The following HS2ST1 variants were observed in gnomAD, a reference collection of about 807,000 sequenced individuals.
HS2ST1 encodes the protein heparan sulfate 2-O-sulfotransferase 1, also known as 2-O-sulfotransferase.
In HS2ST1, 18 loss-of-function variants were observed where a neutral mutation model predicts 42.9. The ratio of observed to expected loss-of-function variants is 0.42; its 90% CI spans 0.29 to 0.62. The LOEUF (loss-of-function observed/expected upper bound fraction) is 0.62. Ranked by LOEUF, HS2ST1 falls within the 20% of genes least tolerant of loss-of-function variation. The pLI is 0.21. For synonymous variants in HS2ST1, 146 were observed against 152.9 expected (o/e 0.95, Z 0.33); for missense variants, 334 against 433.8 (o/e 0.77, Z 2.04).
intron 1 of HS2ST1, among the ~76,000 whole-genome samples, chr1:86,946,462 A>T (rs1647339341): frequency 6.6e-6 from 1 of 152,236 alleles, no homozygotes; most frequent in South Asian, 2.1e-4. Flanking sequence ...GTATATGTAG[A>T]TCACCACCAT....
chr1:87,039,467 C>T (rs1005255426), intron 1 of HS2ST1, among the ~76,000 whole-genome samples: 3 of 152,136 alleles, frequency 2.0e-5, no homozygotes, highest in Admixed American at 6.5e-5. Flanking sequence ...GCATTCCAGC[C>T]CCACTGCAAA....
At chr1:87,100,543 G>C (rs1652173992) in intron 5 of HS2ST1, among the ~76,000 whole-genome samples, 1 of 152,192 alleles carries the variant, frequency 6.6e-6, no homozygotes. Context: ...TTGGATATTA[G>C]CAGTTGGCTC....
intron 1 of HS2ST1, among the ~76,000 whole-genome samples, chr1:86,958,039 G>A (rs1299509639): frequency 2.0e-5 from 3 of 152,036 alleles, no homozygotes; most frequent in African/African-American, 4.8e-5. Context: ...TGATCCACCC[G>A]CCTCGGCCTC....
At chr1:87,038,217 A>C (rs1650431570) in intron 1 of HS2ST1, among the ~76,000 whole-genome samples, 1 of 152,106 alleles carries the variant, frequency 6.6e-6, no homozygotes, top group Non-Finnish European at 1.5e-5. Context: ...TTATCTCATA[A>C]TCTTATAACT....
chr1:87,084,940 C>T (rs574818491), intron 3 of HS2ST1, among the ~76,000 whole-genome samples: 20 of 152,100 alleles, frequency 1.3e-4, no homozygotes, highest in South Asian at 4.1e-4. Flanking sequence ...CCACTGTGCC[C>T]GGCCTCTGTC....
intron 1 of HS2ST1, among the ~76,000 whole-genome samples, chr1:86,954,322 C>G (rs1647616251): frequency 1.3e-5 from 2 of 152,040 alleles, no homozygotes; most frequent in African/African-American, 4.8e-5. Context: ...GCACTCCAGC[C>G]TGGGTGACAG....
chr1:87,004,879 A>G (rs990678811), intron 1 of HS2ST1, among the ~76,000 whole-genome samples: 1 of 152,218 alleles, frequency 6.6e-6, no homozygotes, highest in African/African-American at 2.4e-5. Flanking sequence ...CCCTGCTTAA[A>G]ATTTCTACAA....
intron 1 of HS2ST1, among the ~76,000 whole-genome samples, chr1:86,981,326 T>C (rs1380132118): frequency 6.6e-6 from 1 of 152,150 alleles, no homozygotes; most frequent in Non-Finnish European, 1.5e-5. Context: ...CCAAATCTCA[T>C]GTCCTTCTCA....
intron 1 of HS2ST1, among the ~76,000 whole-genome samples, chr1:87,071,842 A>G (rs1458539902): frequency 1.3e-5 from 2 of 151,932 alleles, no homozygotes; most frequent in Non-Finnish European, 2.9e-5. Flanking sequence ...ATTGTTCAAG[A>G]TAGGTGAGAT....
At chr1:87,099,690 C>T (rs1390651800) in intron 5 of HS2ST1, among the ~76,000 whole-genome samples, 1 of 152,140 alleles carries the variant, frequency 6.6e-6, no homozygotes, top group Non-Finnish European at 1.5e-5. Flanking sequence ...AGTCTTATTC[C>T]AGCATTAACT....
rs878920579 is a variant in HS2ST1, at chr1:87,045,229, A to T, written c.125-27705A>T. The T allele has an allele frequency of 6.8e-6, 7 of 1,027,898 alleles. No individual in the cohort carries two copies. The Admixed American group carries it at 1.2e-4, about 17-fold the overall frequency. The allele number at this position is 1,027,898 out of a possible 1,614,324, so 63.7% of individuals were successfully genotyped here. Reference sequence around the variant, plus strand: ...GCATCACCAACACTTCAAATTCAACATCCTTTCCTAGGTCTTCACTATGAA... The same window carrying T: ...GCATCACCAACACTTCAAATTCAACTTCCTTTCCTAGGTCTTCACTATGAA... On this transcript the variant is annotated intron_variant, in intron 1 of 6. Transcript: ENST00000370550.
chr1:87,084,321 T>C (rs1329239714), intron 3 of HS2ST1, 42 bp downstream of exon 3: 15 of 1,042,464 alleles, frequency 1.4e-5, no homozygotes, highest in Non-Finnish European at 2.0e-5. Flanking sequence ...TGCTTTGTAC[T>C]CTAGTAACCT....
chr1:86,958,569 T>G (rs1160056028), intron 1 of HS2ST1: 4 of 152,254 alleles, frequency 2.6e-5, no homozygotes, highest in Non-Finnish European at 5.9e-5. Flanking sequence ...TGTTATTTTG[T>G]AATTAACATT....
intron 1 of HS2ST1, among the ~76,000 whole-genome samples, chr1:87,061,919 C>CTTTTTTTTTTTTTTTTTTTTTTT (rs535755288): frequency 7.0e-6 from 1 of 141,860 alleles, no homozygotes; most frequent in African/African-American, 2.6e-5. Flanking sequence ...ATTCTTTTCT[C>CTTTTTTTTTTTTTTTTTTTTTTT]TTTTTTTTTT....
At chr1:86,985,817 C>G (rs1272072217) in intron 1 of HS2ST1, among the ~76,000 whole-genome samples, 1 of 152,104 alleles carries the variant, frequency 6.6e-6, no homozygotes. Flanking sequence ...TTCCCCCTTA[C>G]TGTACCTTAA....
At chr1:87,041,623 A>G (rs1012624138) in intron 1 of HS2ST1, among the ~76,000 whole-genome samples, 6 of 152,212 alleles carry the variant, frequency 3.9e-5, no homozygotes, top group Non-Finnish European at 8.8e-5. Context: ...GGCAACCATC[A>G]TTCTACTTTC....
chr1:86,992,674 C>T (rs1307682293), intron 1 of HS2ST1, among the ~76,000 whole-genome samples: 4 of 152,102 alleles, frequency 2.6e-5, no homozygotes, highest in Non-Finnish European at 4.4e-5. Flanking sequence ...TTTTTTGTTT[C>T]TTTTATGCAC....
chr1:87,047,564 A>AT (rs1292018636), intron 1 of HS2ST1, among the ~76,000 whole-genome samples: 3 of 152,150 alleles, frequency 2.0e-5, no homozygotes, highest in Non-Finnish European at 2.9e-5. Context: ...TCTGTGATTC[A>AT]TTTTAAATTC....
intron 1 of HS2ST1, among the ~76,000 whole-genome samples, chr1:86,988,157 T>G (rs1291759241): frequency 6.6e-6 from 1 of 152,236 alleles, no homozygotes. Flanking sequence ...TTTTCTAAAC[T>G]TTCTGATGAC....
Sources: gnomAD v4.1 joint callset for allele counts (sites outside exome capture counted in the v4.1 genomes callset) on GRCh38, gnomAD v4.1.1 for gene constraint, MANE v1.5 for transcripts, NCBI Gene and HGNC (gene_info 2026-07-23, HGNC 2026-07-21) for gene names.